The following TNIK variants were observed in gnomAD, a reference collection of about 807,000 sequenced individuals.
The protein encoded by TNIK is TRAF2 and NCK-interacting protein kinase.
In TNIK, 49 loss-of-function variants were observed where a neutral mutation model predicts 191.3. The ratio of observed to expected loss-of-function variants is 0.26; its 90% CI spans 0.20 to 0.32. The LOEUF is 0.32. Among genes scored for constraint, TNIK ranks in the 10% least tolerant of loss-of-function variants. The pLI is 1.00. For synonymous variants in TNIK, 594 were observed against 600.9 expected (o/e 0.99, Z 0.17); for missense variants, 1,155 against 1,702.3 (o/e 0.68, Z 5.66).
chr3:171,140,721 A>G (rs1730703950), intron 12 of TNIK, among the ~76,000 whole-genome samples: 1 of 152,050 alleles, frequency 6.6e-6, no homozygotes, highest in South Asian at 2.1e-4. Flanking sequence ...ACATACTTCC[A>G]TTTACCATGT....
intron 1 of TNIK, among the ~76,000 whole-genome samples, chr3:171,379,707 T>G (rs949289826): frequency 6.6e-6 from 1 of 152,092 alleles, no homozygotes; most frequent in Non-Finnish European, 1.5e-5. Context: ...TCTAAAAAAG[T>G]CTTTTAAGAA....
chr3:171,093,853 AG>A lies in TNIK; in HGVS notation c.2706del (p.Leu903Ter). On this transcript the variant is annotated frameshift_variant, in exon 23 of 33. Coordinates refer to ENST00000436636, the MANE Select transcript of TNIK (RefSeq NM_015028.4). LOFTEE classifies it high-confidence loss of function. ...SFSGSISREG[T>X]LMIRETSGEK... ...TACCAACTTACCTCTCTAATCATCA[AG>A]GTTCCTTCTCTTGAAATACTGCCGC... The A allele has an allele frequency of 6.2e-7, 1 of 1,613,708 alleles. No individual in the cohort carries two copies. The highest frequency in any genetic ancestry group is 8.5e-7 in the Non-Finnish European group (1 of 1,179,754).
intron 28 of TNIK, among the ~76,000 whole-genome samples, chr3:171,072,489 A>G (rs1387956611): frequency 6.6e-6 from 1 of 152,158 alleles, no homozygotes; most frequent in East Asian, 1.9e-4. Flanking sequence ...ACTGAATGGG[A>G]AAAAGCTAAG....
intron 2 of TNIK, among the ~76,000 whole-genome samples, chr3:171,360,190 T>A (rs1203561144): frequency 6.6e-6 from 1 of 152,178 alleles, no homozygotes; most frequent in Non-Finnish European, 1.5e-5. Context: ...ACTGAGGCAG[T>A]GAGAACCTGC....
chr3:171,205,157 CTA>C (rs1414813407), intron 4 of TNIK, among the ~76,000 whole-genome samples: 9 of 152,196 alleles, frequency 5.9e-5, no homozygotes, highest in Non-Finnish European at 1.3e-4. Context: ...CTGTTATATT[CTA>C]TGACTGTGTT....
intron 1 of TNIK, among the ~76,000 whole-genome samples, chr3:171,429,740 G>A (rs780161031): frequency 6.6e-6 from 1 of 151,982 alleles, no homozygotes; most frequent in Non-Finnish European, 1.5e-5. Flanking sequence ...TCCCTCTCTG[G>A]TTGTTCTCTC....
rs900354228 is a variant in TNIK at position 171,308,857 on chromosome 3, C to T, written c.123+60763G>A. Reference sequence around the variant, plus strand: ...AACCAAAACCACAATGAAATACCATCTCACACCAGTTAGAATGGTTATTAA... The same window carrying T: ...AACCAAAACCACAATGAAATACCATTTCACACCAGTTAGAATGGTTATTAA... On this transcript the variant is annotated intron_variant, in intron 2 of 32. Transcript: ENST00000436636. 3.5e-4 allele frequency among the ~76,000 whole-genome samples: 51 copies of T among 146,674 alleles called. 2 individuals carry two copies. Among genetic ancestry groups the T allele is most frequent in the Admixed American group, 3.2e-3 (47 of 14,640 alleles).
chr3:171,274,622 T>C (rs1315955476), intron 2 of TNIK, among the ~76,000 whole-genome samples: 3 of 152,242 alleles, frequency 2.0e-5, no homozygotes, highest in Non-Finnish European at 4.4e-5. Flanking sequence ...CAGGCCAACA[T>C]ATATGCAGCT....
chr3:171,357,213 T>C (rs1388589932), intron 2 of TNIK, among the ~76,000 whole-genome samples: 1 of 152,214 alleles, frequency 6.6e-6, no homozygotes, highest in African/African-American at 2.4e-5. Flanking sequence ...GTCTCCTTAA[T>C]TTATATACTC....
At chr3:171,409,613 G>A (rs1722129352) in intron 1 of TNIK, among the ~76,000 whole-genome samples, 2 of 151,418 alleles carry the variant, frequency 1.3e-5, no homozygotes, top group South Asian at 2.1e-4. Context: ...CCAAAACAAG[G>A]CCTCTATAAC....
At chr3:171,210,625 T>C (rs1453860091) in intron 4 of TNIK, among the ~76,000 whole-genome samples, 1 of 152,184 alleles carries the variant, frequency 6.6e-6, no homozygotes, top group African/African-American at 2.4e-5. Context: ...TCATCAGCGA[T>C]AGACAGAGAA....
At chr3:171,225,493 T>G (rs1185674323) in intron 3 of TNIK, 1 of 453,536 alleles carries the variant, frequency 2.2e-6, no homozygotes, top group Non-Finnish European at 4.4e-6. Flanking sequence ...ATCCACTCTA[T>G]GTAATGGATT....
intron 2 of TNIK, among the ~76,000 whole-genome samples, chr3:171,273,594 G>A (rs745945169): frequency 8.5e-5 from 13 of 152,092 alleles, no homozygotes; most frequent in Non-Finnish European, 1.6e-4. Flanking sequence ...TCAAATTAAT[G>A]TTTCTGTGGA....
intron 7 of TNIK, among the ~76,000 whole-genome samples, chr3:171,186,873 A>G (rs1577068324): frequency 1.3e-5 from 2 of 151,876 alleles, no homozygotes; most frequent in African/African-American, 4.8e-5. Context: ...CTTAAACTAT[A>G]CTCCTTAGCC....
At chr3:171,196,749 TACTC>T (rs962162438) in intron 4 of TNIK, among the ~76,000 whole-genome samples, 6 of 152,198 alleles carry the variant, frequency 3.9e-5, no homozygotes, top group African/African-American at 1.4e-4. Flanking sequence ...TATTTGATGA[TACTC>T]AAGAAATCTG....
At chr3:171,208,094 G>A (rs1740320780) in intron 4 of TNIK, among the ~76,000 whole-genome samples, 1 of 152,180 alleles carries the variant, frequency 6.6e-6, no homozygotes, top group Non-Finnish European at 1.5e-5. Context: ...ACTTTGGGAG[G>A]CCAAGGCAGG....
intron 2 of TNIK, among the ~76,000 whole-genome samples, chr3:171,263,192 G>C (rs1747868743): frequency 6.6e-6 from 1 of 152,100 alleles, no homozygotes; most frequent in Non-Finnish European, 1.5e-5. Flanking sequence ...TCTCACCAAG[G>C]CACCTTTTAG....
rs1171641699 is a variant in TNIK at position 171,061,636 on chromosome 3, T to C, written c.*2245A>G. The C allele has an allele frequency of 6.6e-6, 1 of 152,314 alleles. No individual in the cohort carries two copies. The highest frequency in any genetic ancestry group is 1.9e-4 in the East Asian group (1 of 5,182). 9.4% of individuals were successfully genotyped at this position (152,314 alleles called of 1,614,324 possible). ...CAAAACATAAAAACAAAGATCAGTT[T>C]GCAACATAATTTAAAGAAGCTTCTG... On this transcript the variant is annotated 3_prime_UTR_variant, in exon 33 of 33. Coordinates refer to ENST00000436636, the MANE Select transcript of TNIK (RefSeq NM_015028.4).
intron 2 of TNIK, among the ~76,000 whole-genome samples, chr3:171,262,182 C>T (rs758166743): frequency 1.2e-4 from 18 of 152,074 alleles, no homozygotes; most frequent in South Asian, 8.3e-4. Flanking sequence ...ACCTTCCCTT[C>T]GTTTTGTTTA....
Sources: gnomAD v4.1 joint callset for allele counts (sites outside exome capture counted in the v4.1 genomes callset) on GRCh38, gnomAD v4.1.1 for gene constraint, MANE v1.5 for transcripts, NCBI Gene and HGNC (gene_info 2026-07-23, HGNC 2026-07-21) for gene names.